The following TMEM232 variants were observed in gnomAD, a reference collection of about 807,000 sequenced individuals.
The protein encoded by TMEM232 is transmembrane protein 232.
A neutral mutation model predicts 78.8 loss-of-function variants in TMEM232; 80 were observed. The observed-to-expected ratio is 1.01, with a 90% CI of 0.85 to 1.22. TMEM232 has a LOEUF of 1.22. Ranked by LOEUF, TMEM232 falls within the 50% of genes most tolerant of loss-of-function variation. The pLI is 0.00. For missense variants in TMEM232, 881 were observed against 742.2 expected (o/e 1.19, Z -2.17); for synonymous variants, 297 against 254.3 (o/e 1.17, Z -1.60).
chr5:110,587,383 A>C (rs931905157), intron 10 of TMEM232, among the ~76,000 whole-genome samples: 6 of 152,052 alleles, frequency 3.9e-5, no homozygotes, highest in African/African-American at 1.4e-4. Flanking sequence ...ACAAGATGGT[A>C]AACTCCAAAT....
intron 12 of TMEM232, among the ~76,000 whole-genome samples, chr5:110,505,874 C>CT: frequency 6.6e-6 from 1 of 152,210 alleles, no homozygotes; most frequent in South Asian, 2.1e-4. Context: ...TATTTCCTTT[C>CT]TTTTTTGTTA....
intron 1 of TMEM232, among the ~76,000 whole-genome samples, chr5:110,725,248 C>T (rs1293653846): frequency 6.6e-6 from 1 of 152,174 alleles, no homozygotes; most frequent in Non-Finnish European, 1.5e-5. Context: ...TTTGCATATA[C>T]TAAGATTTCT....
chr5:110,470,953 C>T (rs1292484126), intron 12 of TMEM232, among the ~76,000 whole-genome samples: 1 of 152,178 alleles, frequency 6.6e-6, no homozygotes, highest in East Asian at 1.9e-4. Context: ...TAAGGAAACT[C>T]AGTGAGATAC....
At chr5:110,592,461 T>C (rs1476339382) in intron 10 of TMEM232, among the ~76,000 whole-genome samples, 1 of 152,082 alleles carries the variant, frequency 6.6e-6, no homozygotes. Context: ...CATAGAAAAA[T>C]GTACTGACTT....
intron 12 of TMEM232, among the ~76,000 whole-genome samples, chr5:110,527,854 G>A (rs1046216460): frequency 1.3e-5 from 2 of 151,906 alleles, no homozygotes; most frequent in Non-Finnish European, 2.9e-5. Context: ...TTCTTCAAAT[G>A]ACTTGGGTTA....
intron 1 of TMEM232, among the ~76,000 whole-genome samples, chr5:110,676,731 T>A (rs906319130): frequency 7.2e-6 from 1 of 139,312 alleles, no homozygotes; most frequent in East Asian, 2.1e-4. Flanking sequence ...ACCCTTCATC[T>A]TTTATTTATT....
At chr5:110,451,378 T>C (rs1248518929) in intron 12 of TMEM232, among the ~76,000 whole-genome samples, 1 of 152,166 alleles carries the variant, frequency 6.6e-6, no homozygotes, top group South Asian at 2.1e-4. Flanking sequence ...TTTTAATGAA[T>C]CCTGTTATTC....
intron 12 of TMEM232, among the ~76,000 whole-genome samples, chr5:110,496,118 G>A (rs1765612546): frequency 6.6e-6 from 1 of 151,776 alleles, no homozygotes; most frequent in Non-Finnish European, 1.5e-5. Flanking sequence ...TGAAAATGTA[G>A]AGGTTTTGTT....
intron 1 of TMEM232, among the ~76,000 whole-genome samples, chr5:110,700,389 C>T (rs1008828245): frequency 2.0e-5 from 3 of 151,936 alleles, no homozygotes; most frequent in Non-Finnish European, 4.4e-5. Flanking sequence ...ATTGGGATTG[C>T]GTACACACTT....
chr5:110,538,754 T>C (rs924980020), intron 11 of TMEM232, among the ~76,000 whole-genome samples: 1 of 151,916 alleles, frequency 6.6e-6, no homozygotes, highest in Admixed American at 6.6e-5. Context: ...TCCAGGAACA[T>C]TGTAATTACT....
chr5:110,599,509 G>A (rs967612886), intron 10 of TMEM232, among the ~76,000 whole-genome samples: 1 of 152,018 alleles, frequency 6.6e-6, no homozygotes, highest in African/African-American at 2.4e-5. Flanking sequence ...AAAATGCAGG[G>A]ATTGCAATCC....
chr5:110,395,935 G>T (rs1466740851), intron 3 of TMEM232, among the ~76,000 whole-genome samples: 1 of 152,090 alleles, frequency 6.6e-6, no homozygotes, highest in African/African-American at 2.4e-5. Context: ...AAGTAAATTT[G>T]GGAAAAGAGG....
chr5:110,488,460 A>T lies in TMEM232; in HGVS notation c.1703+40128T>A, dbSNP rs759210226. ...AATTCATACGTATGGAGAATTAAGC[A>T]ATACTTTACTAAATAAGCAATTGGT... On this transcript the variant is annotated intron_variant, in intron 12 of 13. Transcript: ENST00000455884. Among the ~76,000 whole-genome samples, 6 of 152,264 alleles carry T rather than the reference A, an allele frequency of 3.9e-5. No individual in the cohort carries two copies. The East Asian group carries it at 1.2e-3, about 29-fold the overall frequency.
intron 10 of TMEM232, among the ~76,000 whole-genome samples, chr5:110,589,731 G>C (rs1779277241): frequency 1.3e-5 from 2 of 152,020 alleles, no homozygotes; most frequent in African/African-American, 2.4e-5. Context: ...CAAGTGCCTA[G>C]AAAAATGCCT....
intron 12 of TMEM232, among the ~76,000 whole-genome samples, chr5:110,514,677 T>C (rs942289772): frequency 6.6e-6 from 1 of 152,152 alleles, no homozygotes; most frequent in Non-Finnish European, 1.5e-5. Flanking sequence ...ACATTTTTTT[T>C]CCTTCATGAA....
intron 11 of TMEM232, among the ~76,000 whole-genome samples, chr5:110,536,774 A>G (rs1173876311): frequency 6.6e-6 from 1 of 152,150 alleles, no homozygotes; most frequent in Non-Finnish European, 1.5e-5. Context: ...AGGGTCTGGG[A>G]ATGTTGTAGA....
Position 110,420,190 on chromosome 5 carries a change from A to G in TMEM232, c.*390T>C, listed in dbSNP as rs561663216. ...ATGTTCATTCTGTTTTCAAGAAATAATTCTTATCTGGTGACCCATTAATTA... is the reference window on the plus strand; with the variant it reads ...ATGTTCATTCTGTTTTCAAGAAATAGTTCTTATCTGGTGACCCATTAATTA... On this transcript the variant is annotated 3_prime_UTR_variant, in exon 14 of 14. Coordinates refer to ENST00000455884, the MANE Select transcript of TMEM232 (RefSeq NM_001039763.4). 2.2e-3 allele frequency: 345 copies of G among 155,654 alleles called. 1 individual carries two copies. Among genetic ancestry groups the G allele is most frequent in the African/African-American group, 8.0e-3 (334 of 41,724 alleles). 9.6% of individuals were successfully genotyped at this position (155,654 alleles called of 1,614,324 possible). A position where few individuals can be genotyped will look rare whatever the true frequency, so the allele number is the denominator to read the frequency against.
intron 10 of TMEM232, among the ~76,000 whole-genome samples, chr5:110,595,644 G>C (rs1780069526): frequency 6.6e-6 from 1 of 152,132 alleles, no homozygotes; most frequent in Admixed American, 6.6e-5. Flanking sequence ...AGTATCAATA[G>C]CTGAATCGAT....
chr5:110,500,688 A>G (rs1580955287), intron 12 of TMEM232, among the ~76,000 whole-genome samples: 1 of 152,066 alleles, frequency 6.6e-6, no homozygotes, highest in Non-Finnish European at 1.5e-5. Context: ...ACAATAATAT[A>G]AGGGAAAAAA....
Sources: allele counts gnomAD v4.1 joint callset (sites outside exome capture counted in the v4.1 genomes callset), GRCh38; gene constraint gnomAD v4.1.1; transcripts MANE v1.5; gene names NCBI Gene and HGNC (gene_info 2026-07-23, HGNC 2026-07-21).